The following TAAR5 variants were observed in gnomAD, a reference collection of about 807,000 sequenced individuals.
The protein encoded by TAAR5 is trace amine-associated receptor 5.
TAAR5 carries 27 observed loss-of-function variants against 21.1 expected under a neutral mutation model. The observed-to-expected ratio is 1.28, with a 90% CI of 0.94 to 1.76. TAAR5 has a LOEUF of 1.76. Ranked by LOEUF, TAAR5 falls within the 40% of genes most tolerant of loss-of-function variation. TAAR5 has a pLI of 0.00. For synonymous variants in TAAR5, 203 were observed against 167.5 expected (o/e 1.21, Z -1.64); for missense variants, 495 against 405.6 (o/e 1.22, Z -1.89).
chr6:132,588,611 G>A lies in TAAR5; in HGVS notation c.*62C>T. 6.5e-7 allele frequency: 1 copy of A among 1,543,266 alleles called. No homozygotes were observed. The highest frequency in any genetic ancestry group is 8.8e-7 in the Non-Finnish European group (1 of 1,136,778). ...CAAACTCAACACCACACAGCCCACGGTCACAGTGCCACTTATCTTTCCTGT... is the reference window on the plus strand; with the variant it reads ...CAAACTCAACACCACACAGCCCACGATCACAGTGCCACTTATCTTTCCTGT... On this transcript the variant is annotated 3_prime_UTR_variant, in exon 1 of 1. Coordinates refer to ENST00000258034, the MANE Select transcript of TAAR5 (RefSeq NM_003967.3).
In TAAR5 at chr6:132,588,903, G is replaced by C. The variant is rs772394142; in HGVS notation, c.784C>G (p.Leu262Val). The C allele has an allele frequency of 3.7e-6, 6 of 1,614,110 alleles. No individual in the cohort carries two copies. The highest frequency in any genetic ancestry group is 5.1e-6 in the Non-Finnish European group (6 of 1,180,004). ...ATGGTGAAGGGCAGCCAGCACAAGA[G>C]GTATATGCCCACAGCAATGCCCAGG... ...KTLGIAVGIY[L>V]LCWLPFTIDT... The change falls in exon 1 of 1, where the codon CTC (leucine) becomes GTC (valine). Residue 262 changes from leucine to valine, a missense_variant. Transcript: ENST00000258034.
upstream of TAAR5, among the ~76,000 whole-genome samples, chr6:132,591,124 T>C (rs1203066355): frequency 6.6e-6 from 1 of 152,208 alleles, no homozygotes; most frequent in Non-Finnish European, 1.5e-5. Flanking sequence ...TCCTTTCTTA[T>C]GCCATACCTA....
At chr6:132,616,207 G>A in the TAAR5 span, among the ~76,000 whole-genome samples, 2,805 of 152,134 alleles carry the variant, frequency 0.018, 66 homozygotes, top group East Asian at 0.071. Flanking sequence ...GCCCAGTGTT[G>A]AGCTTAAACC....
chr6:132,593,803 C>T (rs886870458), upstream of TAAR5, among the ~76,000 whole-genome samples: 1 of 152,096 alleles, frequency 6.6e-6, no homozygotes, highest in Admixed American at 6.5e-5. Flanking sequence ...TAAGACAGTC[C>T]AATTTTATCA....
At chr6:132,598,710 G>C in the TAAR5 span, among the ~76,000 whole-genome samples, 2 of 152,136 alleles carry the variant, frequency 1.3e-5, no homozygotes, top group Non-Finnish European at 2.9e-5. Flanking sequence ...CTGCCAGCAA[G>C]AGATTATAGT....
chr6:132,597,940 T>C, the TAAR5 span, among the ~76,000 whole-genome samples: 1 of 152,208 alleles, frequency 6.6e-6, no homozygotes, highest in African/African-American at 2.4e-5. Flanking sequence ...ATTTATGCAA[T>C]ACTTTTTTTC....
the TAAR5 span, among the ~76,000 whole-genome samples, chr6:132,597,579 C>T: frequency 6.6e-6 from 1 of 151,996 alleles, no homozygotes; most frequent in Non-Finnish European, 1.5e-5. Flanking sequence ...TTTTTAAAAA[C>T]AAAATAAAAT....
the TAAR5 span, among the ~76,000 whole-genome samples, chr6:132,602,097 A>C: frequency 6.6e-6 from 1 of 152,080 alleles, no homozygotes; most frequent in African/African-American, 2.4e-5. Context: ...AATTTAACTT[A>C]ATTTAATTAA....
Position 132,589,568 on chromosome 6 carries a change from G to A in TAAR5, c.119C>T (p.Ala40Val), listed in dbSNP as rs144579755. Residue 40 changes from alanine (A) to valine (V), a missense_variant, in exon 1 of 1, where the codon GCC becomes GTC. Physicochemically the swap from Ala to Val is moderately conservative, Grantham distance 64. Coordinates refer to ENST00000258034, the MANE Select transcript of TAAR5 (RefSeq NM_003967.3). ...GATAATCAGCATGCCTGCTGCACAG[G>A]CCAGGTAGATGACCAACTGGATGCC... ...TLGIQLVIYL[A>V]CAAGMLIIVL... 6.2e-7 allele frequency: 1 copy of A among 1,613,886 alleles called. No individual in the cohort carries two copies. Among genetic ancestry groups the A allele is most frequent in the African/African-American group, 1.3e-5 (1 of 74,984 alleles).
chr6:132,614,661 T>C, the TAAR5 span, among the ~76,000 whole-genome samples: 1 of 152,062 alleles, frequency 6.6e-6, no homozygotes, highest in Non-Finnish European at 1.5e-5. Context: ...TCCAGAAAGT[T>C]TAGTGTAGAG....
At chr6:132,591,119 T>C (rs564369667), upstream of TAAR5, among the ~76,000 whole-genome samples, 302 of 152,312 alleles carry the variant, frequency 2.0e-3, 1 homozygote, top group African/African-American at 7.1e-3. Context: ...TTTCATCCTT[T>C]CTTATGCCAT....
rs774671655 is a variant in TAAR5 at position 132,589,614 on chromosome 6, G to C, written c.73C>G (p.Pro25Ala). Residue 25 changes from proline (P) to alanine (A), a missense_variant, in exon 1 of 1, where the codon CCC (proline) becomes GCC (alanine). By Grantham distance (27) the Pro-to-Ala change is conservative (BLOSUM62 -1). Transcript: ENST00000258034. ...ATGCCCAGAGTATGTACTGTCCTGGGGCAAGACCCATTCACCTGGTAGCAG... is the reference window on the plus strand; with the variant it reads ...ATGCCCAGAGTATGTACTGTCCTGGCGCAAGACCCATTCACCTGGTAGCAG... Reference protein sequence around the residue: ...AFCYQVNGSCPRTVHTLGIQL... With the variant: ...AFCYQVNGSCARTVHTLGIQL... The C allele has an allele frequency of 1.2e-6, 2 of 1,613,708 alleles. No homozygotes were observed. The highest frequency in any genetic ancestry group is 4.5e-5 in the East Asian group (2 of 44,836).
upstream of TAAR5, among the ~76,000 whole-genome samples, chr6:132,592,769 T>C (rs1364589510): frequency 1.3e-5 from 2 of 152,194 alleles, no homozygotes; most frequent in Admixed American, 6.6e-5. Context: ...CAGCCATTCT[T>C]CCTGTACAGC....
At chr6:132,611,515 A>G in the TAAR5 span, among the ~76,000 whole-genome samples, 3 of 152,216 alleles carry the variant, frequency 2.0e-5, no homozygotes, top group Admixed American at 6.5e-5. Context: ...ACCATTACAC[A>G]TTGTATGCCT....
chr6:132,613,976 G>A, the TAAR5 span, among the ~76,000 whole-genome samples: 10,113 of 152,236 alleles, frequency 0.066, 321 homozygotes, highest in South Asian at 0.12. Context: ...ATAAATAAAT[G>A]TAAATTATAA....
the TAAR5 span, chr6:132,608,199 T>C: frequency 0.015 from 5,550 of 378,492 alleles, 69 homozygotes; most frequent in Admixed American, 0.037. Context: ...GTCAAAATAA[T>C]AACAATCTCA....
the TAAR5 span, among the ~76,000 whole-genome samples, chr6:132,606,669 C>G: frequency 6.6e-6 from 1 of 152,106 alleles, no homozygotes; most frequent in Non-Finnish European, 1.5e-5. Flanking sequence ...TTTTGCCTAA[C>G]AAGTAGAGGG....
At chr6:132,598,614 C>A in the TAAR5 span, among the ~76,000 whole-genome samples, 3 of 152,198 alleles carry the variant, frequency 2.0e-5, no homozygotes, top group African/African-American at 7.2e-5. Flanking sequence ...GTGCTGCTGC[C>A]AGTATTTATG....
At chr6:132,606,410 A>G in the TAAR5 span, among the ~76,000 whole-genome samples, 6 of 152,166 alleles carry the variant, frequency 3.9e-5, no homozygotes, top group Non-Finnish European at 5.9e-5. Flanking sequence ...AGTCAATTTT[A>G]ATGTCCTCAC....
Sources: gnomAD v4.1 joint callset for allele counts (sites outside exome capture counted in the v4.1 genomes callset) on GRCh38, gnomAD v4.1.1 for gene constraint, MANE v1.5 for transcripts, NCBI Gene and HGNC (gene_info 2026-07-23, HGNC 2026-07-21) for gene names.